Variants in SLCO2A1 observed in about 807,000 individuals in gnomAD.
SLCO2A1 encodes matrin F/G 1.
SLCO2A1 carries 60 observed loss-of-function variants against 71.7 expected under a neutral mutation model. The observed-to-expected ratio is 0.84, with a 90% confidence interval of 0.68 to 1.04. The LOEUF (loss-of-function observed/expected upper bound fraction) is 1.04, where lower values mean the gene tolerates loss of function less well. Among genes scored for constraint, SLCO2A1 ranks in the 50% least tolerant of loss-of-function variants. SLCO2A1 has a pLI of 0.00. For missense variants in SLCO2A1, 745 were observed against 813.4 expected (o/e 0.92, Z 1.02); for synonymous variants, 308 against 326.7 (o/e 0.94, Z 0.62).
intron 1 of SLCO2A1, among the ~76,000 whole-genome samples, chr3:133,980,810 C>T (rs189897821): frequency 1.3e-5 from 2 of 152,218 alleles, no homozygotes; most frequent in African/African-American, 4.8e-5. Context: ...AACTCACTGC[C>T]TATCCATGTG....
intron 1 of SLCO2A1, among the ~76,000 whole-genome samples, chr3:133,990,509 A>G (rs935592045): frequency 1.3e-5 from 2 of 152,192 alleles, no homozygotes; most frequent in Non-Finnish European, 2.9e-5. Context: ...AAACCAAAAA[A>G]TATACCGAAC....
rs1223062544 is a variant in SLCO2A1 at position 133,935,786 on chromosome 3, G to A, written c.1802C>T (p.Ala601Val). ...GATGGGCCCTCACCTGTCTCGGAGA[G>A]CATCGTTGTCATAGTAGGCGCAGGC... is the stretch of plus-strand genomic sequence containing the variant. ...RGACAYYDND[A>V]LRDRYLGLQM... The change falls in exon 13 of 14, where the codon GCT (alanine) becomes GTT (valine). Residue 601 changes from alanine to valine, a missense_variant. Physicochemically the swap from Ala to Val is moderately conservative, Grantham distance 64. Transcript: ENST00000310926. 1.2e-6 allele frequency: 2 copies of A among 1,605,720 alleles called. No homozygotes were observed. The highest frequency in any genetic ancestry group is 1.7e-6 in the Non-Finnish European group (2 of 1,175,040).
intron 11 of SLCO2A1, 49 bp downstream of exon 11, chr3:133,942,556 G>T (rs1324641049): frequency 1.3e-6 from 2 of 1,548,762 alleles, no homozygotes; most frequent in South Asian, 2.5e-5. Flanking sequence ...AAAGGGAGAT[G>T]TGGGGAAGGA....
Position 133,979,032 on chromosome 3 carries a change from C to A in SLCO2A1, c.234+449G>T, listed in dbSNP as rs576792793. On this transcript the variant is annotated intron_variant, in intron 2 of 13. Coordinates refer to ENST00000310926, the MANE Select transcript of SLCO2A1 (RefSeq NM_005630.3). ...CCTGGGCCCAGGGCTGCTGACCCAC[C>A]TGCATGCCTGGGGCTTATCCTCTCT... Among the ~76,000 whole-genome samples the A allele has an allele frequency of 5.3e-4, 81 of 152,328 alleles. 1 individual carries two copies. The highest frequency in any genetic ancestry group is 1.9e-3 in the African/African-American group (78 of 41,582).
At chr3:134,004,066 T>C (rs980107195) in intron 1 of SLCO2A1, among the ~76,000 whole-genome samples, 27 of 152,104 alleles carry the variant, frequency 1.8e-4, no homozygotes, top group Non-Finnish European at 3.4e-4. Flanking sequence ...TCAAATTATG[T>C]AAGCCAAATT....
rs200472093 is a variant in SLCO2A1, at chr3:133,947,325, A to G, written c.1226T>C (p.Met409Thr). The G allele has an allele frequency of 2.4e-5, 38 of 1,614,068 alleles. No homozygotes were observed. Among genetic ancestry groups the G allele is most frequent in the Middle Eastern group, 3.3e-4 (2 of 6,084 alleles). ...GAAGAACAAAGGAACACAAAGGATCATGGAGATGGTGATGATGGTGGTAGC... is the reference window on the plus strand; with the variant it reads ...GAAGAACAAAGGAACACAAAGGATCGTGGAGATGGTGATGATGGTGGTAGC... Reference protein sequence around the residue: ...RIATTIITISMILCVPLFFMG... With the variant: ...RIATTIITISTILCVPLFFMG... The change falls in exon 9 of 14, where the codon ATG becomes ACG. Residue 409 changes from methionine to threonine, a missense_variant. Transcript: ENST00000310926.
At position 133,999,422 on chromosome 3, in the gene SLCO2A1, A is replaced by G. The variant is rs535264276; in HGVS notation, c.97-19804T>C. Reference sequence around the variant, plus strand: ...AAGGAACATTTGAAATTATATGGTAAGCAAGTATTTATTGATTATTATTCT... The same window carrying G: ...AAGGAACATTTGAAATTATATGGTAGGCAAGTATTTATTGATTATTATTCT... On this transcript the variant is annotated intron_variant, in intron 1 of 13. Transcript: ENST00000310926. Among the ~76,000 whole-genome samples, 5 of 152,324 alleles carry G rather than the reference A, an allele frequency of 3.3e-5. No homozygotes were observed. The East Asian group carries it at 9.6e-4, about 29-fold the overall frequency.
At chr3:134,011,664 G>A (rs566670736) in intron 1 of SLCO2A1, among the ~76,000 whole-genome samples, 4 of 152,296 alleles carry the variant, frequency 2.6e-5, no homozygotes, top group African/African-American at 7.2e-5. Context: ...CATAAGACCC[G>A]TTCCCACTAG....
intron 1 of SLCO2A1, among the ~76,000 whole-genome samples, chr3:133,988,285 T>A (rs1378303732): frequency 6.6e-6 from 1 of 152,190 alleles, no homozygotes; most frequent in Non-Finnish European, 1.5e-5. Flanking sequence ...AAATAAGAAC[T>A]TGGGTCTCCA....
At chr3:134,012,637 A>G (rs1325805339) in intron 1 of SLCO2A1, among the ~76,000 whole-genome samples, 1 of 152,228 alleles carries the variant, frequency 6.6e-6, no homozygotes, top group African/African-American at 2.4e-5. Context: ...ACTGTAAAAA[A>G]TCATGGCCAG....
chr3:133,985,094 T>C (rs1934682969), intron 1 of SLCO2A1, among the ~76,000 whole-genome samples: 1 of 152,192 alleles, frequency 6.6e-6, no homozygotes, highest in Non-Finnish European at 1.5e-5. Context: ...AACTTCCCGG[T>C]TGCTTTCAGT....
At chr3:133,971,696 T>G (rs1263343762) in intron 3 of SLCO2A1, among the ~76,000 whole-genome samples, 2 of 152,272 alleles carry the variant, frequency 1.3e-5, no homozygotes, top group East Asian at 3.9e-4. Context: ...AGCACCTCCC[T>G]GGGGGCTCAT....
intron 1 of SLCO2A1, among the ~76,000 whole-genome samples, chr3:134,017,672 C>T (rs1350743644): frequency 1.3e-5 from 2 of 152,148 alleles, no homozygotes; most frequent in Admixed American, 1.3e-4. Flanking sequence ...GGTCTGAAGG[C>T]CAGCGCCGCC....
intron 3 of SLCO2A1, among the ~76,000 whole-genome samples, chr3:133,966,604 C>T (rs1934175769): frequency 6.6e-6 from 1 of 152,230 alleles, no homozygotes; most frequent in Admixed American, 6.5e-5. Flanking sequence ...TGCTGTTTCC[C>T]TCTTTTAGAT....
chr3:134,015,990 A>G (rs1935447977), intron 1 of SLCO2A1, among the ~76,000 whole-genome samples: 1 of 152,182 alleles, frequency 6.6e-6, no homozygotes, highest in Non-Finnish European at 1.5e-5. Context: ...AAACAAAACA[A>G]AACAAACAAA....
At chr3:134,011,623 G>A (rs75191590) in intron 1 of SLCO2A1, among the ~76,000 whole-genome samples, 18 of 152,314 alleles carry the variant, frequency 1.2e-4, no homozygotes, top group African/African-American at 3.1e-4. Flanking sequence ...ACCACCCTGC[G>A]GGGTGCAGCC....
At chr3:133,954,124 G>A (rs1034955084) in intron 4 of SLCO2A1, among the ~76,000 whole-genome samples, 1 of 149,538 alleles carries the variant, frequency 6.7e-6, no homozygotes, top group Non-Finnish European at 1.5e-5. Context: ...CTGGAGTATA[G>A]GCCCTGAGGA....
intron 1 of SLCO2A1, among the ~76,000 whole-genome samples, chr3:133,983,839 G>T (rs1345353290): frequency 2.0e-5 from 3 of 152,232 alleles, no homozygotes; most frequent in Non-Finnish European, 4.4e-5. Context: ...GACGAGGGCT[G>T]GCTGGGGTAG....
chr3:134,013,167 AC>A (rs1935375004), intron 1 of SLCO2A1, among the ~76,000 whole-genome samples: 1 of 152,210 alleles, frequency 6.6e-6, no homozygotes, highest in Non-Finnish European at 1.5e-5. Context: ...ATAGATGTTT[AC>A]AGTAGACACT....
Sources: gnomAD v4.1 joint callset for allele counts (sites outside exome capture counted in the v4.1 genomes callset) on GRCh38, gnomAD v4.1.1 for gene constraint, MANE v1.5 for transcripts, NCBI Gene and HGNC (gene_info 2026-07-23, HGNC 2026-07-21) for gene names.